Variants in NBAS observed in about 807,000 individuals in gnomAD.
NBAS encodes NAG/BC035112 fusion.
In NBAS, 219 loss-of-function variants were observed where a neutral mutation model predicts 302.5. The ratio of observed to expected loss-of-function variants is 0.72; its 90% CI spans 0.65 to 0.81. The LOEUF is 0.81. NBAS is among the 30% of genes least tolerant of loss of function. The pLI, the probability that NBAS is intolerant of heterozygous loss-of-function variation, is 0.00. For synonymous variants in NBAS, 1,118 were observed against 1,021.6 expected (o/e 1.09, Z -1.80); for missense variants, 2,932 against 2,841.6 (o/e 1.03, Z -0.72).
chr2:15,036,477 T>C, the NBAS span, among the ~76,000 whole-genome samples: 1 of 152,158 alleles, frequency 6.6e-6, no homozygotes, highest in Admixed American at 6.5e-5. Context: ...ATCGGTAATA[T>C]GACAATGTAA....
At chr2:15,399,340 C>G (rs1178462942) in intron 26 of NBAS, among the ~76,000 whole-genome samples, 3 of 152,158 alleles carry the variant, frequency 2.0e-5, no homozygotes, top group African/African-American at 7.2e-5. Context: ...CCAGGGGCTT[C>G]TGCATCTCTT....
At chr2:15,057,818 G>A in the NBAS span, among the ~76,000 whole-genome samples, 28 of 152,244 alleles carry the variant, frequency 1.8e-4, no homozygotes, top group African/African-American at 6.0e-4. Context: ...TTATCCACTC[G>A]TTGATTGACA....
In NBAS at chr2:15,470,014, A is replaced by T. The variant is rs189523127; in HGVS notation, c.1726-1481T>A. On this transcript the variant is annotated intron_variant, in intron 16 of 51. Coordinates refer to ENST00000281513, the MANE Select transcript of NBAS (RefSeq NM_015909.4). The stretch of plus-strand genomic sequence containing the variant: ...TAATTAAAAAATAAAAAATAAAAAA[A>T]AAATCCCTGACTTGCCCTCTTCCTA... 1.8e-3 allele frequency among the ~76,000 whole-genome samples: 271 copies of T among 152,116 alleles called. 1 individual carries two copies. The highest frequency in any genetic ancestry group is 0.012 in the Admixed American group (184 of 15,296).
chr2:15,499,916 T>G (rs181129951), intron 11 of NBAS, among the ~76,000 whole-genome samples: 1 of 150,820 alleles, frequency 6.6e-6, no homozygotes, highest in Non-Finnish European at 1.5e-5. Flanking sequence ...TACGGCTTGA[T>G]AGCAAAGAGT....
the NBAS span, among the ~76,000 whole-genome samples, chr2:14,825,663 T>C: frequency 6.6e-6 from 1 of 152,204 alleles, no homozygotes; most frequent in Admixed American, 6.5e-5. Context: ...AAATGGTCCC[T>C]GTATTCCAGC....
chr2:14,872,181 G>T, the NBAS span, among the ~76,000 whole-genome samples: 2 of 152,090 alleles, frequency 1.3e-5, no homozygotes, highest in African/African-American at 4.8e-5. Context: ...GAATTATTGA[G>T]AGAACATAGT....
chr2:15,013,723 G>T, the NBAS span, among the ~76,000 whole-genome samples: 1 of 152,194 alleles, frequency 6.6e-6, no homozygotes, highest in African/African-American at 2.4e-5. Context: ...GATGGAGGCT[G>T]CAGTGAGCTG....
At chr2:15,531,668 T>C (rs1663221504) in intron 9 of NBAS, among the ~76,000 whole-genome samples, 1 of 152,246 alleles carries the variant, frequency 6.6e-6, no homozygotes, top group African/African-American at 2.4e-5. Context: ...TCTGTGTCAC[T>C]ATCTGCTTCA....
At chr2:15,077,691 T>TC in the NBAS span, among the ~76,000 whole-genome samples, 9 of 142,226 alleles carry the variant, frequency 6.3e-5, no homozygotes, top group Non-Finnish European at 6.1e-5. Context: ...TTTTTTTTTC[T>TC]TTTTTTTTTT....
chr2:15,120,621 AC>A, the NBAS span, among the ~76,000 whole-genome samples: 1 of 151,952 alleles, frequency 6.6e-6, no homozygotes, highest in Admixed American at 6.6e-5. Context: ...CCTTTCCATT[AC>A]CCTCTTCAAG....
At chr2:14,889,058 T>C in the NBAS span, among the ~76,000 whole-genome samples, 1 of 152,236 alleles carries the variant, frequency 6.6e-6, no homozygotes, top group Non-Finnish European at 1.5e-5. Context: ...TTCACTAAGG[T>C]CCATCACATC....
chr2:15,452,241 T>C (rs1679054118), intron 21 of NBAS, among the ~76,000 whole-genome samples: 1 of 152,148 alleles, frequency 6.6e-6, no homozygotes, highest in African/African-American at 2.4e-5. Flanking sequence ...ATAGTTAAGA[T>C]GGCAAATTTT....
At chr2:15,244,299 T>G (rs1667989827) in intron 44 of NBAS, among the ~76,000 whole-genome samples, 1 of 152,142 alleles carries the variant, frequency 6.6e-6, no homozygotes, top group South Asian at 2.1e-4. Context: ...CCTTCAACCT[T>G]GAGGGTACAG....
the NBAS span, among the ~76,000 whole-genome samples, chr2:14,938,093 A>C: frequency 2.0e-5 from 3 of 152,198 alleles, no homozygotes; most frequent in African/African-American, 4.8e-5. Context: ...GCGCCACTGC[A>C]CTCCAGCCTG....
chr2:15,053,941 GA>G, the NBAS span, among the ~76,000 whole-genome samples: 72,489 of 146,044 alleles, frequency 0.5, 19,809 homozygotes, highest in African/African-American at 0.76. Flanking sequence ...CCCTCCTTGT[GA>G]AAAAAAAAAA....
the NBAS span, among the ~76,000 whole-genome samples, chr2:14,786,270 C>T: frequency 1.5e-4 from 23 of 151,956 alleles, no homozygotes; most frequent in Non-Finnish European, 2.5e-4. Context: ...TTCAAAAAAC[C>T]AGCTCCTGGA....
intron 47 of NBAS, among the ~76,000 whole-genome samples, chr2:15,228,501 G>A (rs930870521): frequency 2.0e-5 from 3 of 152,082 alleles, no homozygotes; most frequent in Admixed American, 1.3e-4. Flanking sequence ...ACATCCAAAG[G>A]GAATAACATC....
the NBAS span, among the ~76,000 whole-genome samples, chr2:14,889,130 G>A: frequency 0.038 from 5,784 of 152,220 alleles, 139 homozygotes; most frequent in Non-Finnish European, 0.051. Flanking sequence ...CACTCTTTCA[G>A]TCCCTAAGAC....
chr2:15,017,512 G>A, the NBAS span, among the ~76,000 whole-genome samples: 13 of 117,108 alleles, frequency 1.1e-4, no homozygotes, highest in African/African-American at 5.7e-4. Flanking sequence ...CTGAACAGGT[G>A]TTGCTCAAAA....
Sources: allele counts gnomAD v4.1 joint callset (sites outside exome capture counted in the v4.1 genomes callset), GRCh38; gene constraint gnomAD v4.1.1; transcripts MANE v1.5; gene names NCBI Gene and HGNC (gene_info 2026-07-23, HGNC 2026-07-21).